DST: variants seen among roughly 807,000 people sequenced by gnomAD.
DST encodes bullous pemphigoid antigen.
In DST, 253 loss-of-function variants were observed where a neutral mutation model predicts 875.2. The ratio of observed to expected loss-of-function variants is 0.29; its 90% CI spans 0.26 to 0.32. The LOEUF (loss-of-function observed/expected upper bound fraction) is 0.32, where lower values mean the gene tolerates loss of function less well. DST is among the 10% of genes least tolerant of loss of function. The pLI, the probability that DST is intolerant of heterozygous loss-of-function variation, is 1.00. For missense variants in DST, 8,287 were observed against 9,111.6 expected, an observed-to-expected ratio of 0.91 and a Z score of 3.68; for synonymous variants, 3,124 against 3,197.1, an observed-to-expected ratio of 0.98 and a Z score of 0.77.
chr6:56,806,302 G>T (rs926364913), intron 4 of DST, among the ~76,000 whole-genome samples: 121 of 152,312 alleles, frequency 7.9e-4, no homozygotes, highest in African/African-American at 2.8e-3. Context: ...AAAATGGGGT[G>T]ATAGTGAGCT....
chr6:56,578,919 A>G lies in DST; in HGVS notation c.12922T>C (p.Ser4308Pro), dbSNP rs778220904. ...EETKALQGQI[S>P]SQQVAVEKLK... ...TTCTCTACAGCAACCTGCTGACTTGATATCTGTCCTTGCAAAGCCTGTAGG... is the reference window on the plus strand; with the variant it reads ...TTCTCTACAGCAACCTGCTGACTTGGTATCTGTCCTTGCAAAGCCTGTAGG... The change falls in exon 50 of 104, where the codon TCA becomes CCA. Residue 4308 changes from serine to proline, a missense_variant. Coordinates refer to ENST00000680361, the MANE Select transcript of DST (RefSeq NM_001374736.1). The G allele has an allele frequency of 1.7e-5, 27 of 1,599,216 alleles. No individual in the cohort carries two copies. Among genetic ancestry groups the G allele is most frequent in the Admixed American group, 5.2e-5 (3 of 57,796 alleles).
chr6:56,682,913 G>C (rs1445719497), intron 9 of DST, among the ~76,000 whole-genome samples: 2 of 152,146 alleles, frequency 1.3e-5, no homozygotes, highest in Non-Finnish European at 2.9e-5. Context: ...ACCAGTGCTG[G>C]AACTCTCAAA....
chr6:56,508,162 T>C (rs992741475), intron 75 of DST, among the ~76,000 whole-genome samples: 1 of 152,100 alleles, frequency 6.6e-6, no homozygotes, highest in African/African-American at 2.4e-5. Context: ...ACCCTCGAAC[T>C]AGCTGGTACT....
Position 56,568,578 on chromosome 6 carries a change from C to T in DST, c.13896G>A (p.Trp4632Ter). Residue 4632 changes from tryptophan to a stop codon, truncating the protein, a stop_gained, in exon 55 of 104, where the codon TGG becomes TGA. Transcript: ENST00000680361. LOFTEE classifies it high-confidence loss of function. ...LEDTKKLQEK[W>*]SLKTPEIQKV... ...TCTGAATCTCTGGTGTTTTTAAACT[C>T]CACTTTTCTTGTAATTTCTTGAGAT... is the stretch of plus-strand genomic sequence containing the variant. 1 of 1,606,818 alleles carries T rather than the reference C, an allele frequency of 6.2e-7. No individual in the cohort carries two copies. Among genetic ancestry groups the T allele is most frequent in the Non-Finnish European group, 8.5e-7 (1 of 1,176,628 alleles).
chr6:56,544,656 C>T (rs115945226), intron 61 of DST, among the ~76,000 whole-genome samples: 1,741 of 143,672 alleles, frequency 0.012, 45 homozygotes, highest in African/African-American at 0.043. Flanking sequence ...TGACACAGTT[C>T]GGAAGTAAAC....
At chr6:56,886,148 G>A (rs527634334) in intron 3 of DST, among the ~76,000 whole-genome samples, 3 of 152,204 alleles carry the variant, frequency 2.0e-5, no homozygotes, top group African/African-American at 7.2e-5. Context: ...AGTCACATTG[G>A]GATACTGAAT....
chr6:56,565,768 G>A (rs921187867), intron 55 of DST, among the ~76,000 whole-genome samples: 11 of 152,214 alleles, frequency 7.2e-5, no homozygotes, highest in Non-Finnish European at 1.3e-4. Flanking sequence ...AGCAGGCAGG[G>A]ATGTTTAAGT....
chr6:56,673,326 T>C (rs2152831907), intron 9 of DST, among the ~76,000 whole-genome samples: 1 of 152,166 alleles, frequency 6.6e-6, no homozygotes, highest in African/African-American at 2.4e-5. Context: ...TCTATAACCC[T>C]TTAAAAATTA....
At chr6:56,500,571 A>C (rs1476136372) in intron 80 of DST, among the ~76,000 whole-genome samples, 1 of 152,198 alleles carries the variant, frequency 6.6e-6, no homozygotes, top group Non-Finnish European at 1.5e-5. Context: ...CAAAGGGATA[A>C]GCCCCAACAT....
intron 4 of DST, among the ~76,000 whole-genome samples, chr6:56,781,128 C>G (rs1379253794): frequency 1.3e-5 from 2 of 152,112 alleles, no homozygotes; most frequent in African/African-American, 2.4e-5. Flanking sequence ...GTTACTGTAG[C>G]CTTGTAGTAT....
rs2098874401 is a variant in DST at position 56,639,961 on chromosome 6, C to T, written c.2587G>A (p.Glu863Lys). Residue 863 changes from glutamate to lysine, a missense_variant, in exon 19 of 104, where the codon GAA (glutamate) becomes AAA (lysine). By Grantham distance (56) the Glu-to-Lys change is moderately conservative. Around this residue, in one of 10 missense-constraint regions of DST, gnomAD observed 1,160 missense variants for 1,424.3 expected, o/e 0.81. Transcript: ENST00000680361. ...KNVHRAIEEFESSLKEAKISE... is the reference protein window; with the variant it reads ...KNVHRAIEEFKSSLKEAKISE... ...ATTTTAGCTTCTTTGAGACTAGATT[C>T]AAATTCTTCAATAGCTCTATGAACA... 3 of 1,613,188 alleles carry T rather than the reference C, an allele frequency of 1.9e-6. No individual in the cohort carries two copies. Among genetic ancestry groups the T allele is most frequent in the Non-Finnish European group, 2.5e-6 (3 of 1,179,578 alleles).
intron 4 of DST, among the ~76,000 whole-genome samples, chr6:56,769,261 G>A (rs2099643102): frequency 6.6e-6 from 1 of 152,100 alleles, no homozygotes; most frequent in Admixed American, 6.6e-5. Context: ...CACATCTATT[G>A]GAATGGCTAA....
intron 3 of DST, among the ~76,000 whole-genome samples, chr6:56,864,711 AC>A (rs1459415139): frequency 1.3e-5 from 2 of 152,240 alleles, no homozygotes; most frequent in Non-Finnish European, 2.9e-5. Flanking sequence ...CCTGCTCAGC[AC>A]ATACTACTCA....
intron 2 of DST, among the ~76,000 whole-genome samples, chr6:56,950,543 C>G (rs1004176915): frequency 6.6e-6 from 1 of 152,158 alleles, no homozygotes; most frequent in Non-Finnish European, 1.5e-5. Context: ...TATAAATCCT[C>G]AGGAAAAGTA....
At chr6:56,468,945 C>T (rs781694344) in intron 98 of DST, 37 bp downstream of exon 98, 2 of 1,540,386 alleles carry the variant, frequency 1.3e-6, no homozygotes, top group South Asian at 2.4e-5. Flanking sequence ...AAAAAAAAAT[C>T]ATCAGGAACT....
rs555565606 is a variant in DST at position 56,785,138 on chromosome 6, T to TG, written c.626-49850dup. 2.0e-5 allele frequency among the ~76,000 whole-genome samples: 3 copies of TG among 152,316 alleles called. No individual in the cohort carries two copies. In the East Asian group the frequency reaches 5.8e-4, roughly 29 times the overall value. ...GTGCGAGGTGTCAGTCTGCCCCTAC[T>TG]GGGGGGTGCCTCCCAGTTAGGCTGC... On this transcript the variant is annotated intron_variant, in intron 4 of 103. Coordinates refer to ENST00000680361, the MANE Select transcript of DST (RefSeq NM_001374736.1).
chr6:56,603,302 C>T lies in DST; in HGVS notation c.11060G>A (p.Ser3687Asn). ...DFPRGHVEEL[S>N]ISHQSLKTAF... ...GGTCTTCAAACTCTGGTGGCTAATA[C>T]TCAATTCTTCAACATGGCCTCTGGG... is the stretch of plus-strand genomic sequence containing the variant. Residue 3687 changes from serine (S) to asparagine (N), a missense_variant, in exon 42 of 104, where the codon AGT (serine) becomes AAT (asparagine). Ser to Asn is a conservative substitution (Grantham distance 46). Coordinates refer to ENST00000680361, the MANE Select transcript of DST (RefSeq NM_001374736.1). 6.2e-7 allele frequency: 1 copy of T among 1,610,714 alleles called. No individual in the cohort carries two copies. The highest frequency in any genetic ancestry group is 8.5e-7 in the Non-Finnish European group (1 of 1,178,696).
chr6:56,699,706 C>T lies in DST; in HGVS notation c.994G>A (p.Gly332Arg). The T allele has an allele frequency of 6.5e-7, 1 of 1,530,112 alleles. No individual in the cohort carries two copies. Among genetic ancestry groups the T allele is most frequent in the Non-Finnish European group, 8.8e-7 (1 of 1,140,404 alleles). The allele number at this position is 1,530,112 out of a possible 1,614,324, so 94.8% of individuals were successfully genotyped here. Residue 332 changes from glycine to arginine, a missense_variant, in exon 9 of 104, where the codon GGA (glycine) becomes AGA (arginine). Physicochemically the swap from Gly to Arg is moderately radical, Grantham distance 125 (BLOSUM62 -2). Transcript: ENST00000680361. Reference sequence around the variant, plus strand: ...AATCCCAAAGTCAATTTGGGATTTCCATCTGTTATGTCATCATTTCTAATA... The same window carrying T: ...AATCCCAAAGTCAATTTGGGATTTCTATCTGTTATGTCATCATTTCTAATA... ...VNIRNDDITD[G>R]NPKLTLGLIW...
intron 4 of DST, among the ~76,000 whole-genome samples, chr6:56,756,932 T>C (rs2099605584): frequency 6.6e-6 from 1 of 152,200 alleles, no homozygotes; most frequent in Non-Finnish European, 1.5e-5. Context: ...TGGTCTTTTT[T>C]CAAGAGAAGT....
Sources: gnomAD v4.1 joint callset for allele counts (sites outside exome capture counted in the v4.1 genomes callset) on GRCh38, gnomAD v4.1.1 for gene constraint, gnomAD v4.1.1 regional missense constraint, MANE v1.5 for transcripts, NCBI Gene and HGNC (gene_info 2026-07-23, HGNC 2026-07-21) for gene names.